Variants in MAOA observed in about 807,000 individuals in gnomAD.
MAOA encodes amine oxidase [flavin-containing] A.
A neutral mutation model predicts 42.0 loss-of-function variants in MAOA; 6 were observed. That is an observed-to-expected ratio of 0.14 (90% CI 0.08 to 0.28). MAOA has a LOEUF of 0.28. Among genes scored for constraint, MAOA ranks in the 10% least tolerant of loss-of-function variants. MAOA has a pLI of 1.00. For synonymous variants in MAOA, 140 were observed against 154.0 expected, an observed-to-expected ratio of 0.91 and a Z score of 0.67; for missense variants, 262 against 422.3, an observed-to-expected ratio of 0.62 and a Z score of 3.33.
intron 5 of MAOA, among the ~76,000 whole-genome samples, chrX:43,727,290 T>C (rs1469097366): frequency 8.9e-6 from 1 of 112,114 alleles, no homozygotes. Flanking sequence ...TTCCCCCAGG[T>C]GCTCTGGCCC....
intron 1 of MAOA, among the ~76,000 whole-genome samples, chrX:43,678,693 T>G (rs906735878): frequency 3.6e-5 from 4 of 111,760 alleles, no homozygotes; most frequent in African/African-American, 1.3e-4. Context: ...AAAAAAGAGT[T>G]GGTTATAATC....
At chrX:43,711,082 G>A (rs938410462) in intron 3 of MAOA, among the ~76,000 whole-genome samples, 1 of 111,767 alleles carries the variant, frequency 8.9e-6, no homozygotes, top group Admixed American at 9.5e-5. Flanking sequence ...TCCTCTGAGA[G>A]TGTATGACTG....
intron 2 of MAOA, among the ~76,000 whole-genome samples, chrX:43,690,195 T>C (rs1357638874): frequency 1.8e-5 from 2 of 109,890 alleles, no homozygotes; most frequent in Non-Finnish European, 3.8e-5. Context: ...TGACACCATC[T>C]TCCATGTCTT....
chrX:43,672,941 A>T (rs2033351413), intron 1 of MAOA, among the ~76,000 whole-genome samples: 1 of 111,541 alleles, frequency 9.0e-6, no homozygotes, highest in African/African-American at 3.3e-5. Flanking sequence ...TATCAGGATG[A>T]TACGGGCCTC....
chrX:43,659,094 A>C (rs2147068157), intron 1 of MAOA, among the ~76,000 whole-genome samples: 1 of 111,692 alleles, frequency 9.0e-6, no homozygotes, highest in East Asian at 2.8e-4. Flanking sequence ...AGCACCCAGA[A>C]GAGTACATAT....
At chrX:43,665,571 C>G (rs1162492620) in intron 1 of MAOA, among the ~76,000 whole-genome samples, 1 of 111,301 alleles carries the variant, frequency 9.0e-6, no homozygotes, top group African/African-American at 3.3e-5. Context: ...GGGTGAGATC[C>G]TTTTATCTAA....
intron 2 of MAOA, among the ~76,000 whole-genome samples, chrX:43,688,392 C>T (rs1194704256): frequency 3.6e-5 from 4 of 111,856 alleles, no homozygotes; most frequent in East Asian, 2.8e-4. Flanking sequence ...GCAATTCTCC[C>T]GCCTCAGCCT....
At chrX:43,737,723 T>C (rs2033930558) in intron 10 of MAOA, among the ~76,000 whole-genome samples, 1 of 112,030 alleles carries the variant, frequency 8.9e-6, no homozygotes, top group Non-Finnish European at 1.9e-5. Context: ...TACCATCACC[T>C]TGGAGGTTAA....
At chrX:43,695,526 T>A (rs1405668168) in intron 3 of MAOA, among the ~76,000 whole-genome samples, 1 of 110,246 alleles carries the variant, frequency 9.1e-6, no homozygotes, top group African/African-American at 3.3e-5. Flanking sequence ...AGACCAGGAG[T>A]TCTAGACCAG....
chrX:43,695,115 G>A (rs1458885610), intron 3 of MAOA, among the ~76,000 whole-genome samples: 1 of 111,735 alleles, frequency 8.9e-6, no homozygotes, highest in Non-Finnish European at 1.9e-5. Flanking sequence ...CTGAGTGCAT[G>A]CTCTTCATTA....
chrX:43,666,245 A>G (rs768723518), intron 1 of MAOA, among the ~76,000 whole-genome samples: 2 of 112,108 alleles, frequency 1.8e-5, no homozygotes, highest in African/African-American at 6.5e-5. Flanking sequence ...TAGCTCATTT[A>G]TGCATCTCAA....
At chrX:43,678,167 A>G (rs2033415921) in intron 1 of MAOA, among the ~76,000 whole-genome samples, 2 of 111,488 alleles carry the variant, frequency 1.8e-5, no homozygotes, top group South Asian at 7.5e-4. Context: ...CCCGCTTCCC[A>G]CTGCTGGGCT....
At chrX:43,693,780 T>TACACACAC (rs112883967) in intron 3 of MAOA, among the ~76,000 whole-genome samples, 9 of 102,468 alleles carry the variant, frequency 8.8e-5, no homozygotes, top group Admixed American at 6.3e-4. Context: ...AACAGACATG[T>TACACACAC]ACACACACAC....
rs934381404 is a variant in MAOA at position 43,718,936 on chromosome X, G to A, written c.503+6140G>A. ...GGAGTAGACAGGAAGTGTGGAAGATGACCACGATGGTATCTTCCAGGGATG... is the reference window on the plus strand; with the variant it reads ...GGAGTAGACAGGAAGTGTGGAAGATAACCACGATGGTATCTTCCAGGGATG... On this transcript the variant is annotated intron_variant, in intron 5 of 14. Transcript: ENST00000338702. 3.6e-5 allele frequency among the ~76,000 whole-genome samples: 4 copies of A among 111,064 alleles called. No individual in the cohort carries two copies. In the East Asian group the frequency reaches 1.1e-3, roughly 32 times the overall value.
At chrX:43,674,680 G>A (rs1313772896) in intron 1 of MAOA, among the ~76,000 whole-genome samples, 1 of 111,207 alleles carries the variant, frequency 9.0e-6, no homozygotes. Flanking sequence ...TGTTTGTAAA[G>A]TATTTTATTT....
chrX:43,721,523 G>A (rs371293659), intron 5 of MAOA, among the ~76,000 whole-genome samples: 22 of 110,674 alleles, frequency 2.0e-4, no homozygotes, highest in African/African-American at 7.2e-4. Flanking sequence ...AAGAGGAGAT[G>A]CAAGATGACC....
intron 5 of MAOA, among the ~76,000 whole-genome samples, chrX:43,721,688 C>CT (rs377498903): frequency 0.061 from 6,120 of 99,581 alleles, 498 homozygotes; most frequent in African/African-American, 0.21. Context: ...CTCATAATTT[C>CT]TTTTTTTTTT....
chrX:43,711,369 G>A (rs2033698497), intron 3 of MAOA, among the ~76,000 whole-genome samples: 1 of 112,104 alleles, frequency 8.9e-6, no homozygotes, highest in African/African-American at 3.2e-5. Context: ...GGCATAGTCT[G>A]TAGTCTAGCC....
intron 3 of MAOA, among the ~76,000 whole-genome samples, 165 bp from the exon 4 acceptor site, chrX:43,711,707 T>C (rs1601940766): frequency 1.8e-5 from 2 of 112,167 alleles, no homozygotes; most frequent in South Asian, 7.4e-4. Context: ...GGGGCCTGTA[T>C]AGGTATAATG....
Sources: allele counts gnomAD v4.1 joint callset (sites outside exome capture counted in the v4.1 genomes callset), GRCh38; gene constraint gnomAD v4.1.1; transcripts MANE v1.5; gene names NCBI Gene and HGNC (gene_info 2026-07-23, HGNC 2026-07-21).